Variants in COG5 observed in about 807,000 individuals in gnomAD.
COG5 encodes the protein conserved oligomeric Golgi complex subunit 5.
In COG5, 86 loss-of-function variants were observed where a neutral mutation model predicts 110.4. The observed-to-expected ratio is 0.78, with a 90% confidence interval of 0.65 to 0.93. The LOEUF (loss-of-function observed/expected upper bound fraction) is 0.93. Among genes scored for constraint, COG5 ranks in the 40% least tolerant of loss-of-function variants. The probability of loss-of-function intolerance (pLI) is 0.00; values close to 1 mark genes in which losing one functional copy is unlikely to be tolerated. For synonymous variants in COG5, 360 were observed against 334.6 expected (o/e 1.08, Z -0.83); for missense variants, 1,077 against 987.0 (o/e 1.09, Z -1.22).
intron 17 of COG5, among the ~76,000 whole-genome samples, chr7:107,239,534 T>C (rs1438306647): frequency 6.6e-6 from 1 of 152,236 alleles, no homozygotes; most frequent in Non-Finnish European, 1.5e-5. Context: ...ATCTGAAGGC[T>C]GGTTTGGGTA....
At chr7:107,314,563 T>G (rs1584665004) in intron 11 of COG5, among the ~76,000 whole-genome samples, 1 of 126,408 alleles carries the variant, frequency 7.9e-6, no homozygotes, top group Non-Finnish European at 1.6e-5. Context: ...GGTAACACGG[T>G]GAAACCCCAT....
At chr7:107,384,095 G>T (rs931596487) in intron 7 of COG5, among the ~76,000 whole-genome samples, 4 of 152,118 alleles carry the variant, frequency 2.6e-5, no homozygotes, top group Non-Finnish European at 5.9e-5. Flanking sequence ...TAATAAGATG[G>T]TTTGTCTGTT....
intron 6 of COG5, among the ~76,000 whole-genome samples, chr7:107,482,170 C>A (rs1007018598): frequency 1.3e-5 from 2 of 151,128 alleles, no homozygotes; most frequent in African/African-American, 2.4e-5. Flanking sequence ...GAGACAGGGA[C>A]TCGCTCTCTC....
intron 6 of COG5, among the ~76,000 whole-genome samples, chr7:107,502,845 C>T (rs1282056908): frequency 6.6e-6 from 1 of 152,050 alleles, no homozygotes; most frequent in Non-Finnish European, 1.5e-5. Context: ...GTCATTTGCC[C>T]ACTTTTTGGT....
At chr7:107,306,501 T>C (rs1807727577) in intron 11 of COG5, among the ~76,000 whole-genome samples, 1 of 152,182 alleles carries the variant, frequency 6.6e-6, no homozygotes. Flanking sequence ...GATTAACAGA[T>C]ATTAAAATGC....
At chr7:107,227,534 AT>A (rs1800437717) in intron 19 of COG5, among the ~76,000 whole-genome samples, 1 of 152,222 alleles carries the variant, frequency 6.6e-6, no homozygotes, top group Non-Finnish European at 1.5e-5. Context: ...TCATGTGAGA[AT>A]TGGAAAGGGT....
At chr7:107,359,509 A>G (rs1182122515) in intron 10 of COG5, among the ~76,000 whole-genome samples, 1 of 152,204 alleles carries the variant, frequency 6.6e-6, no homozygotes, top group Non-Finnish European at 1.5e-5. Flanking sequence ...GAAATGGGCG[A>G]GTCCATGGTG....
chr7:107,395,896 T>C (rs971855330), intron 7 of COG5, among the ~76,000 whole-genome samples: 2 of 152,248 alleles, frequency 1.3e-5, no homozygotes, highest in South Asian at 2.1e-4. Context: ...GGGTAGAATA[T>C]GTATTTAATA....
chr7:107,389,130 C>G (rs1310790917), intron 7 of COG5, among the ~76,000 whole-genome samples: 1 of 152,242 alleles, frequency 6.6e-6, no homozygotes, highest in Non-Finnish European at 1.5e-5. Context: ...ATCCGCCTTT[C>G]TTTCGCCCTG....
chr7:107,227,100 A>G (rs1800397992), intron 19 of COG5, among the ~76,000 whole-genome samples: 1 of 152,180 alleles, frequency 6.6e-6, no homozygotes, highest in South Asian at 2.1e-4. Context: ...TAGAGCAACT[A>G]AAGTTCAAGA....
intron 10 of COG5, among the ~76,000 whole-genome samples, chr7:107,335,124 A>T (rs1262136064): frequency 6.6e-6 from 1 of 152,194 alleles, no homozygotes; most frequent in South Asian, 2.1e-4. Context: ...AAGTTTTTAA[A>T]GTTTTTTCTT....
chr7:107,211,093 T>G lies in COG5; in HGVS notation c.2295+6A>C. On this transcript the variant is annotated splice_donor_region_variant and intron_variant, in intron 20 of 21. Coordinates refer to ENST00000297135, the MANE Select transcript of COG5 (RefSeq NM_006348.5). ...AAAAGGGTTCTGGCTTGACTTTATT[T>G]ATTACCTGGAAAGGAGATTTCAGTT... The G allele has an allele frequency of 6.2e-7, 1 of 1,613,998 alleles. No homozygotes were observed. Among genetic ancestry groups the G allele is most frequent in the Non-Finnish European group, 8.5e-7 (1 of 1,179,950 alleles).
At chr7:107,327,907 C>T (rs1307834419) in intron 10 of COG5, among the ~76,000 whole-genome samples, 2 of 152,042 alleles carry the variant, frequency 1.3e-5, no homozygotes, top group African/African-American at 4.8e-5. Flanking sequence ...TCAAAATTAC[C>T]ATATGATCCA....
At chr7:107,520,244 G>C (rs776374454) in intron 6 of COG5, among the ~76,000 whole-genome samples, 27 of 152,152 alleles carry the variant, frequency 1.8e-4, no homozygotes, top group Non-Finnish European at 3.7e-4. Flanking sequence ...ACAAGACAAG[G>C]ATGCCCTCTC....
At chr7:107,261,540 T>G (rs1347749276) in intron 14 of COG5, among the ~76,000 whole-genome samples, 1 of 152,186 alleles carries the variant, frequency 6.6e-6, no homozygotes, top group Non-Finnish European at 1.5e-5. Flanking sequence ...TTCCTTTTAG[T>G]GGAAAATGGA....
intron 6 of COG5, among the ~76,000 whole-genome samples, chr7:107,498,759 A>G (rs775015784): frequency 1.5e-4 from 23 of 152,188 alleles, no homozygotes; most frequent in Non-Finnish European, 2.9e-4. Flanking sequence ...AATTAAAAAT[A>G]GAATTACTAT....
At chr7:107,516,319 T>TG (rs1799920565) in intron 6 of COG5, among the ~76,000 whole-genome samples, 1 of 152,230 alleles carries the variant, frequency 6.6e-6, no homozygotes. Context: ...AGTGGGTTGT[T>TG]GGAGTTCCTA....
At chr7:107,363,673 T>TA (rs1260116036) in intron 8 of COG5, among the ~76,000 whole-genome samples, 1 of 152,058 alleles carries the variant, frequency 6.6e-6, no homozygotes, top group African/African-American at 2.4e-5. Flanking sequence ...TGAAATGTTA[T>TA]TGGCCGGGCA....
chr7:107,253,360 A>T (rs1197813009), intron 16 of COG5: 3 of 152,184 alleles, frequency 2.0e-5, no homozygotes, highest in Non-Finnish European at 4.4e-5. Flanking sequence ...TATACATTTT[A>T]AAAAGATTTA....
Sources: allele counts gnomAD v4.1 joint callset (sites outside exome capture counted in the v4.1 genomes callset), GRCh38; gene constraint gnomAD v4.1.1; transcripts MANE v1.5; gene names NCBI Gene and HGNC (gene_info 2026-07-23, HGNC 2026-07-21).